Variants in YIPF1 observed in about 807,000 individuals in gnomAD.
YIPF1 encodes the protein Yip1 domain family member 1.
In YIPF1, 22 loss-of-function variants were observed where a neutral mutation model predicts 37.0. The ratio of observed to expected loss-of-function variants is 0.59; its 90% CI spans 0.42 to 0.85. YIPF1 has a LOEUF of 0.85. Among genes scored for constraint, YIPF1 ranks in the 40% least tolerant of loss-of-function variants. YIPF1 has a pLI of 0.00. For missense variants in YIPF1, 355 were observed against 373.1 expected (o/e 0.95, Z 0.40); for synonymous variants, 128 against 131.9 (o/e 0.97, Z 0.21).
intron 9 of YIPF1, among the ~76,000 whole-genome samples, chr1:53,865,312 C>A (rs766756479): frequency 1.3e-5 from 2 of 152,076 alleles, no homozygotes; most frequent in Non-Finnish European, 2.9e-5. Flanking sequence ...TATAGTCAGC[C>A]CTCCACATCC....
Position 53,885,261 on chromosome 1 carries a change from G to A in YIPF1, c.32-1985C>T, listed in dbSNP as rs535051543. Among the ~76,000 whole-genome samples the A allele has an allele frequency of 2.0e-5, 3 of 152,166 alleles. No individual in the cohort carries two copies. In the East Asian group the frequency reaches 5.8e-4, roughly 29 times the overall value. The stretch of plus-strand genomic sequence containing the variant: ...CAGGGCAATGACATTTAAAAAGATA[G>A]TCACAACTTTGCTGGAGGGAATTAG... On this transcript the variant is annotated intron_variant, in intron 3 of 10. Transcript: ENST00000072644.
chr1:53,871,160 A>G (rs1650181858), intron 7 of YIPF1, among the ~76,000 whole-genome samples: 1 of 152,166 alleles, frequency 6.6e-6, no homozygotes, highest in Non-Finnish European at 1.5e-5. Flanking sequence ...ATTTTATGTA[A>G]TATATATTTT....
At chr1:53,879,869 C>A (rs1015175134) in intron 4 of YIPF1, among the ~76,000 whole-genome samples, 2 of 152,102 alleles carry the variant, frequency 1.3e-5, no homozygotes, top group Non-Finnish European at 2.9e-5. Flanking sequence ...GTAGCTCGAC[C>A]CACGGAGAAT....
intron 6 of YIPF1, among the ~76,000 whole-genome samples, chr1:53,877,217 A>G (rs1276804894): frequency 6.6e-6 from 1 of 152,198 alleles, no homozygotes; most frequent in Non-Finnish European, 1.5e-5. Flanking sequence ...GTAAGAATGA[A>G]TGAGACAGAG....
At chr1:53,852,478 C>T (rs1649620852) in intron 10 of YIPF1, among the ~76,000 whole-genome samples, 1 of 152,136 alleles carries the variant, frequency 6.6e-6, no homozygotes, top group South Asian at 2.1e-4. Flanking sequence ...AAAGATGATG[C>T]TTTAAAAAGT....
At chr1:53,858,750 C>A (rs1419707267) in intron 10 of YIPF1, among the ~76,000 whole-genome samples, 2 of 152,082 alleles carry the variant, frequency 1.3e-5, no homozygotes, top group Non-Finnish European at 2.9e-5. Context: ...TCCTCCAACC[C>A]CAGCCTCCCA....
intron 6 of YIPF1, among the ~76,000 whole-genome samples, chr1:53,873,709 C>CG (rs1023980728): frequency 1.3e-5 from 2 of 149,088 alleles, no homozygotes; most frequent in Non-Finnish European, 3.0e-5. Flanking sequence ...AAAGTGGGGG[C>CG]GGGGGGGAAT....
intron 7 of YIPF1, among the ~76,000 whole-genome samples, 165 bp downstream of exon 7, chr1:53,871,207 T>C (rs1557606179): frequency 6.6e-6 from 1 of 151,360 alleles, no homozygotes; most frequent in Non-Finnish European, 1.5e-5. Context: ...TGGATTTATA[T>C]AGATGGGTGG....
chr1:53,866,014 C>T (rs1650011533), intron 9 of YIPF1, among the ~76,000 whole-genome samples, 186 bp downstream of exon 9: 1 of 152,140 alleles, frequency 6.6e-6, no homozygotes, highest in East Asian at 1.9e-4. Flanking sequence ...GTTGCCCAGG[C>T]TGGTCTTGAG....
intron 2 of YIPF1, 61 bp from the exon 3 acceptor site, chr1:53,889,047 CTT>C (rs1650732682): frequency 2.3e-6 from 2 of 887,384 alleles, no homozygotes; most frequent in Admixed American, 3.7e-5. Context: ...GCAAACAACT[CTT>C]ATGTATTAGA....
chr1:53,854,376 G>C (rs1649668473), intron 10 of YIPF1, among the ~76,000 whole-genome samples: 1 of 152,212 alleles, frequency 6.6e-6, no homozygotes, highest in Non-Finnish European at 1.5e-5. Flanking sequence ...GTTGCCCTTT[G>C]TGCCAAAGTT....
intron 6 of YIPF1, among the ~76,000 whole-genome samples, chr1:53,874,048 G>A (rs1352831035): frequency 6.6e-6 from 1 of 152,108 alleles, no homozygotes; most frequent in African/African-American, 2.4e-5. Context: ...TTGGACACAA[G>A]CAAGATAACT....
At chr1:53,859,954 A>T in intron 10 of YIPF1, 102 bp downstream of exon 10, 1 of 1,159,522 alleles carries the variant, frequency 8.6e-7, no homozygotes, top group Non-Finnish European at 1.2e-6. Flanking sequence ...CAGAAGGATG[A>T]AAGGGTCTGG....
chr1:53,873,948 C>T (rs775341590), intron 6 of YIPF1, among the ~76,000 whole-genome samples: 9 of 152,188 alleles, frequency 5.9e-5, no homozygotes, highest in East Asian at 1.9e-4. Flanking sequence ...AACTCTGGCA[C>T]GGGAACAGCT....
At chr1:53,859,181 C>T (rs1286998871) in intron 10 of YIPF1, among the ~76,000 whole-genome samples, 1 of 152,164 alleles carries the variant, frequency 6.6e-6, no homozygotes, top group East Asian at 1.9e-4. Flanking sequence ...TAACACCATG[C>T]CTTGTTCTTG....
intron 10 of YIPF1, among the ~76,000 whole-genome samples, chr1:53,858,031 A>T (rs1174020563): frequency 6.6e-6 from 1 of 151,504 alleles, no homozygotes; most frequent in Non-Finnish European, 1.5e-5. Context: ...TGATAGACAC[A>T]TGTTAGTTTG....
At chr1:53,857,674 A>T (rs1387621254) in intron 10 of YIPF1, among the ~76,000 whole-genome samples, 1 of 152,110 alleles carries the variant, frequency 6.6e-6, no homozygotes, top group African/African-American at 2.4e-5. Context: ...GGCCAATGAG[A>T]GAATAAACTA....
At chr1:53,864,104 C>G (rs1649956692) in intron 9 of YIPF1, among the ~76,000 whole-genome samples, 1 of 152,156 alleles carries the variant, frequency 6.6e-6, no homozygotes, top group Non-Finnish European at 1.5e-5. Flanking sequence ...CTGCCCTGCT[C>G]CTATTCCTTA....
chr1:53,878,355 GT>G lies in YIPF1; in HGVS notation c.323del (p.Asn108ThrfsTer3). On this transcript the variant is annotated frameshift_variant, in exon 6 of 11. Coordinates refer to ENST00000072644, the MANE Select transcript of YIPF1 (RefSeq NM_018982.5). LOFTEE classifies it high-confidence loss of function. ...TGCTGCGGATATATAACCTCACAAA[GT>G]TTTTCCCGGGTATTGGCAAAAGAGA... ...KGSLLPIPGK[N>X]FVRLYIRSNP... The G allele has an allele frequency of 6.2e-7, 1 of 1,614,032 alleles. No individual in the cohort carries two copies. Among genetic ancestry groups the G allele is most frequent in the Non-Finnish European group, 8.5e-7 (1 of 1,180,000 alleles).
Sources: allele counts gnomAD v4.1 joint callset (sites outside exome capture counted in the v4.1 genomes callset), GRCh38; gene constraint gnomAD v4.1.1; transcripts MANE v1.5; gene names NCBI Gene and HGNC (gene_info 2026-07-23, HGNC 2026-07-21).